The following CTNNA3 variants were observed in gnomAD, a reference collection of about 807,000 sequenced individuals.
CTNNA3 encodes catenin alpha-3.
A neutral mutation model predicts 95.7 loss-of-function variants in CTNNA3; 76 were observed. That is an observed-to-expected ratio of 0.79 (90% confidence interval 0.66 to 0.96). The LOEUF (loss-of-function observed/expected upper bound fraction) is 0.96. CTNNA3 is among the 40% of genes least tolerant of loss of function. The pLI is 0.00. For missense variants in CTNNA3, 1,191 were observed against 1,089.8 expected, an observed-to-expected ratio of 1.09 and a Z score of -1.31; for synonymous variants, 431 against 374.4, an observed-to-expected ratio of 1.15 and a Z score of -1.74.
chr10:66,849,318 C>A (rs1211560440), intron 7 of CTNNA3, among the ~76,000 whole-genome samples: 1 of 152,088 alleles, frequency 6.6e-6, no homozygotes, highest in Non-Finnish European at 1.5e-5. Context: ...AAAATTGTAG[C>A]AAATCCTATA....
chr10:66,707,162 A>G (rs1035690148), intron 9 of CTNNA3, among the ~76,000 whole-genome samples: 1 of 152,068 alleles, frequency 6.6e-6, no homozygotes, highest in African/African-American at 2.4e-5. Context: ...GTTCCAAGAT[A>G]AAAATATTGG....
chr10:66,578,693 T>C (rs1284522166), intron 10 of CTNNA3, among the ~76,000 whole-genome samples: 1 of 152,056 alleles, frequency 6.6e-6, no homozygotes, highest in Non-Finnish European at 1.5e-5. Context: ...AATTAACTTT[T>C]TGATGTGCTG....
intron 10 of CTNNA3, among the ~76,000 whole-genome samples, chr10:66,576,404 T>C (rs185230010): frequency 1.3e-5 from 2 of 152,178 alleles, no homozygotes; most frequent in East Asian, 3.9e-4. Flanking sequence ...TCACTAAGGC[T>C]TGATGTATGA....
intron 5 of CTNNA3, among the ~76,000 whole-genome samples, chr10:67,413,436 A>G (rs1445849983): frequency 6.6e-6 from 1 of 152,142 alleles, no homozygotes; most frequent in Non-Finnish European, 1.5e-5. Flanking sequence ...GAGCACTGAG[A>G]TTTATACAAC....
intron 11 of CTNNA3, among the ~76,000 whole-genome samples, chr10:66,510,010 T>C (rs540775247): frequency 4.6e-5 from 7 of 152,088 alleles, no homozygotes; most frequent in Admixed American, 2.0e-4. Context: ...TTTAACAATA[T>C]TAATTCTTTC....
rs146920950 is a variant in CTNNA3, at chr10:67,646,412, T to C, written c.99+1003A>G. Among the ~76,000 whole-genome samples the C allele has an allele frequency of 3.6e-3, 553 of 152,118 alleles. 5 individuals carry two copies. The highest frequency in any genetic ancestry group is 0.013 in the African/African-American group (519 of 41,498). On this transcript the variant is annotated intron_variant, in intron 2 of 17. Coordinates refer to ENST00000433211, the MANE Select transcript of CTNNA3 (RefSeq NM_013266.4). The stretch of plus-strand genomic sequence containing the variant: ...CTAGTATAAATTTCACACCAGATAT[T>C]AGTGCCGTTAAGACTGCCAAAGTTA...
chr10:67,650,860 T>G (rs1301301962), intron 1 of CTNNA3, among the ~76,000 whole-genome samples: 2 of 152,122 alleles, frequency 1.3e-5, no homozygotes, highest in African/African-American at 4.8e-5. Context: ...ACTATTCATT[T>G]CCAAAATTTG....
chr10:67,139,270 C>G (rs976325758), intron 7 of CTNNA3, among the ~76,000 whole-genome samples: 3 of 150,638 alleles, frequency 2.0e-5, no homozygotes, highest in African/African-American at 7.3e-5. Flanking sequence ...ATAGCTAGGA[C>G]TACAGGCACA....
chr10:66,405,093 T>C (rs1028126007), intron 11 of CTNNA3, among the ~76,000 whole-genome samples: 6 of 152,192 alleles, frequency 3.9e-5, no homozygotes, highest in Admixed American at 6.5e-5. Context: ...GTTTCAATAG[T>C]ATGATCAATC....
chr10:66,686,220 C>A (rs1439096962), intron 9 of CTNNA3, among the ~76,000 whole-genome samples: 4 of 152,128 alleles, frequency 2.6e-5, no homozygotes, highest in South Asian at 2.1e-4. Context: ...TTATTTAATT[C>A]TTGAGGTATA....
chr10:66,471,498 A>G (rs1053234928), intron 11 of CTNNA3, among the ~76,000 whole-genome samples: 1 of 151,850 alleles, frequency 6.6e-6, no homozygotes, highest in Non-Finnish European at 1.5e-5. Context: ...ATTTTCCATT[A>G]ATTTTCCATG....
intron 9 of CTNNA3, among the ~76,000 whole-genome samples, chr10:66,760,953 T>G (rs115975096): frequency 6.6e-6 from 1 of 152,258 alleles, no homozygotes; most frequent in African/African-American, 2.4e-5. Context: ...TGTACAAGTG[T>G]TAAGTATGGG....
rs1252051619 is a variant in CTNNA3 at position 67,302,009 on chromosome 10, A to ACG, written c.580-82140_580-82139insCG. ...AAAGAAAGAACGAAAGAACGAAAGAAAGAAAGAAAGAAAGAAAGAAAGAAA... is the reference window on the plus strand; with the variant it reads ...AAAGAAAGAACGAAAGAACGAAAGAACGAGAAAGAAAGAAAGAAAGAAAGAAA... On this transcript the variant is annotated intron_variant, in intron 5 of 17. Transcript: ENST00000433211. Among the ~76,000 whole-genome samples, 137 of 14,494 alleles carry ACG rather than the reference A, an allele frequency of 9.5e-3. 33 individuals are homozygous for ACG. Among genetic ancestry groups the ACG allele is most frequent in the African/African-American group, 0.064 (115 of 1,786 alleles). The allele number at this position is 14,494 out of a possible 152,430, so 9.5% of individuals were successfully genotyped here.
Position 65,920,135 on chromosome 10 carries a change from T to A in CTNNA3, c.*195A>T. 1 of 591,002 alleles carries A rather than the reference T, an allele frequency of 1.7e-6. No homozygotes were observed. The highest frequency in any genetic ancestry group is 3.0e-6 in the Non-Finnish European group (1 of 333,120). The allele number at this position is 591,002 out of a possible 1,614,324, so 36.6% of individuals were successfully genotyped here. A position where few individuals can be genotyped will look rare whatever the true frequency, so the allele number is the denominator to read the frequency against. On this transcript the variant is annotated 3_prime_UTR_variant, in exon 18 of 18. Coordinates refer to ENST00000433211, the MANE Select transcript of CTNNA3 (RefSeq NM_013266.4). ...AAGCAAATATTCCTTAACTATTAGGTGCTGACCATACAGAAATGACAGTGA... is the reference window on the plus strand; with the variant it reads ...AAGCAAATATTCCTTAACTATTAGGAGCTGACCATACAGAAATGACAGTGA...
Position 66,470,836 on chromosome 10 carries a change from G to C in CTNNA3, c.1531+49781C>G, listed in dbSNP as rs7894755. Reference sequence around the variant, plus strand: ...AAAATGTCATTAATTCTCTTGAAAAGAATAGACTGCATGAGGTAAAAAAAT... The same window carrying C: ...AAAATGTCATTAATTCTCTTGAAAACAATAGACTGCATGAGGTAAAAAAAT... On this transcript the variant is annotated intron_variant, in intron 11 of 17. Transcript: ENST00000433211. 4.2e-3 allele frequency among the ~76,000 whole-genome samples: 635 copies of C among 151,924 alleles called. 1 individual carries two copies. Among genetic ancestry groups the C allele is most frequent in the Non-Finnish European group, 7.4e-3 (499 of 67,876 alleles).
rs141356815 is a variant in CTNNA3, at chr10:67,123,204, TTC to T, written c.1047+57111_1047+57112del. 0.01 allele frequency among the ~76,000 whole-genome samples: 1,592 copies of T among 152,216 alleles called. 74 individuals carry two copies. The East Asian group carries it at 0.14, about 13-fold the overall frequency. On this transcript the variant is annotated intron_variant, in intron 7 of 17. Coordinates refer to ENST00000433211, the MANE Select transcript of CTNNA3 (RefSeq NM_013266.4). ...TGAAATTTTAAGTAGGCAAAAAGCT[TTC>T]TCTCCTTACCCAGCATTCCTGAATA...
At chr10:67,736,337 T>G (rs778442417) in intron 1 of CTNNA3, among the ~76,000 whole-genome samples, 6 of 152,194 alleles carry the variant, frequency 3.9e-5, no homozygotes, top group Non-Finnish European at 8.8e-5. Context: ...TAAAAAGTTC[T>G]GGAAATGGGT....
chr10:67,045,922 A>C (rs1405858511), intron 7 of CTNNA3, among the ~76,000 whole-genome samples: 1 of 152,230 alleles, frequency 6.6e-6, no homozygotes, highest in Non-Finnish European at 1.5e-5. Context: ...AAAAATGCAC[A>C]AGAACTTCTC....
At chr10:66,275,201 T>A (rs960593102) in intron 13 of CTNNA3, among the ~76,000 whole-genome samples, 1 of 152,152 alleles carries the variant, frequency 6.6e-6, no homozygotes, top group Non-Finnish European at 1.5e-5. Flanking sequence ...CACTGCAACC[T>A]CTGCCTCCCA....
Sources: allele counts gnomAD v4.1 joint callset (sites outside exome capture counted in the v4.1 genomes callset), GRCh38; gene constraint gnomAD v4.1.1; transcripts MANE v1.5; gene names NCBI Gene and HGNC (gene_info 2026-07-23, HGNC 2026-07-21).